The following ATN1 variants were observed in gnomAD, a reference collection of about 807,000 sequenced individuals.
ATN1 encodes atrophin 1.
ATN1 carries 19 observed loss-of-function variants against 85.8 expected under a neutral mutation model. The observed-to-expected ratio is 0.22, with a 90% confidence interval of 0.15 to 0.32. ATN1 has a LOEUF of 0.32. Ranked by LOEUF, ATN1 falls within the 10% of genes least tolerant of loss-of-function variation. The pLI, the probability that ATN1 is intolerant of heterozygous loss-of-function variation, is 1.00. For synonymous variants in ATN1, 674 were observed against 657.0 expected (o/e 1.03, Z -0.39); for missense variants, 1,453 against 1,564.5 (o/e 0.93, Z 1.20).
intron 1 of ATN1, among the ~76,000 whole-genome samples, chr12:6,931,593 A>C (rs782615118): frequency 6.6e-6 from 1 of 151,784 alleles, no homozygotes; most frequent in African/African-American, 2.4e-5. Flanking sequence ...GTGCGCTTGT[A>C]ATCCCAGCTA....
rs1044964938 is a variant in ATN1, at chr12:6,941,857, G to T, written c.*77G>T. ...CCCACCCTCCCCCCACCGTGCCCTT[G>T]GCCTGCCACCCAGAGCCAAGAGGGT... On this transcript the variant is annotated 3_prime_UTR_variant, in exon 10 of 10. Transcript: ENST00000396684. This position sits in a 1 kb window ranked among gnomAD's most constrained non-coding sequence, Gnocchi z 5.9. The T allele has an allele frequency of 2.0e-6, 3 of 1,481,088 alleles. No individual in the cohort carries two copies. The allele number at this position is 1,481,088 out of a possible 1,614,324, so 91.7% of individuals were successfully genotyped here.
chr12:6,939,293 C>G (rs886573371), intron 7 of ATN1, 116 bp downstream of exon 7: 8 of 1,381,732 alleles, frequency 5.8e-6, no homozygotes, highest in African/African-American at 1.5e-5. Flanking sequence ...TGAACCTTTC[C>G]TGAGATTGCT....
At chr12:6,940,250 A>G (rs1219052969) in intron 7 of ATN1, among the ~76,000 whole-genome samples, 1 of 151,178 alleles carries the variant, frequency 6.6e-6, no homozygotes, top group Non-Finnish European at 1.5e-5. Context: ...TTGGCCTCCC[A>G]AAGTGCTGGA....
chr12:6,925,364 G>C (rs1173575825), upstream of ATN1, among the ~76,000 whole-genome samples: 1 of 152,150 alleles, frequency 6.6e-6, no homozygotes, highest in Non-Finnish European at 1.5e-5. Flanking sequence ...GAAAGGGCTT[G>C]AGCCAAGGCC....
In ATN1 at chr12:6,941,315, G is replaced by C. The variant is rs782611521; in HGVS notation, c.3359-59G>C. 1.3e-6 allele frequency: 2 copies of C among 1,525,982 alleles called. No homozygotes were observed. Among genetic ancestry groups the C allele is most frequent in the Admixed American group, 4.3e-5 (2 of 46,166 alleles). The allele number at this position is 1,525,982 out of a possible 1,614,324, so 94.5% of individuals were successfully genotyped here. Reference sequence around the variant, plus strand: ...ATGTAAAGGAGCTGGCTATCCCCTGGTCCAGAGCAGGTACTTGTTATCCGT... The same window carrying C: ...ATGTAAAGGAGCTGGCTATCCCCTGCTCCAGAGCAGGTACTTGTTATCCGT... On this transcript the variant is annotated intron_variant, in intron 8 of 9. Coordinates refer to ENST00000396684, the MANE Select transcript of ATN1 (RefSeq NM_001940.4). The surrounding 1 kb of genome is among the most constrained non-coding windows in gnomAD (Gnocchi z 5.9).
chr12:6,927,509 A>C (rs1174228427), upstream of ATN1, among the ~76,000 whole-genome samples: 1 of 128,272 alleles, frequency 7.8e-6, no homozygotes, highest in Non-Finnish European at 1.7e-5. Flanking sequence ...TGCCCTCACC[A>C]CCCACAGCCC....
At chr12:6,933,118 C>T (rs1460369889) in intron 1 of ATN1, among the ~76,000 whole-genome samples, 1 of 152,116 alleles carries the variant, frequency 6.6e-6, no homozygotes, top group Non-Finnish European at 1.5e-5. Flanking sequence ...ATAATGCTTA[C>T]CATTCAGGGT....
At chr12:6,932,094 G>A (rs1945474166) in intron 1 of ATN1, among the ~76,000 whole-genome samples, 1 of 143,448 alleles carries the variant, frequency 7.0e-6, no homozygotes, top group African/African-American at 2.6e-5. Flanking sequence ...TCAGTTGAAA[G>A]TTCAGAAGAT....
chr12:6,940,646 G>A (rs917577596), intron 7 of ATN1, among the ~76,000 whole-genome samples: 4 of 151,996 alleles, frequency 2.6e-5, no homozygotes, highest in Non-Finnish European at 4.4e-5. Flanking sequence ...CTTCCCCTCA[G>A]ACCCTTCTGA....
At position 6,937,351 on chromosome 12, in the gene ATN1, G is replaced by A. The variant is rs781870732; in HGVS notation, c.2084G>A (p.Gly695Glu). ...CCGGGCTCGCCCACCGTGGGACCTG[G>A]GCCCCTGCCACCTGCGGGGCCCTCA... Reference protein sequence around the residue: ...FKPGSPTVGPGPLPPAGPSGL... With the variant: ...FKPGSPTVGPEPLPPAGPSGL... The change falls in exon 5 of 10, where the codon GGG (glycine) becomes GAG (glutamate). Residue 695 changes from glycine to glutamate, a missense_variant. Gly to Glu is a moderately conservative substitution (Grantham distance 98). Around this residue, in one of 6 missense-constraint regions of ATN1, gnomAD observed 990 missense variants for 914.8 expected, o/e 1.08. Transcript: ENST00000396684. The surrounding 1 kb of genome is among the most constrained non-coding windows in gnomAD (Gnocchi z 6.0). 130 of 1,552,446 alleles carry A rather than the reference G, an allele frequency of 8.4e-5. No homozygotes were observed. The highest frequency in any genetic ancestry group is 1.0e-4 in the Non-Finnish European group (119 of 1,149,834).
In ATN1 at chr12:6,936,969, G is replaced by A; in HGVS notation, c.1702G>A (p.Val568Ile). 1 of 1,613,720 alleles carries A rather than the reference G, an allele frequency of 6.2e-7. No individual in the cohort carries two copies. The highest frequency in any genetic ancestry group is 8.5e-7 in the Non-Finnish European group (1 of 1,179,874). The change falls in exon 5 of 10, where the codon GTC becomes ATC. Residue 568 changes from valine to isoleucine, a missense_variant. Coordinates refer to ENST00000396684, the MANE Select transcript of ATN1 (RefSeq NM_001940.4). ...YSQAGPNGPP[V>I]SSSSNSSSST... is the part of the protein sequence containing the mutation. ...CCAAGCAGGCCCCAATGGCCCTCCA[G>A]TCTCTTCCTCTTCCAACTCTTCCTC...
chr12:6,931,130 G>T (rs782470008), intron 1 of ATN1, among the ~76,000 whole-genome samples: 9 of 152,052 alleles, frequency 5.9e-5, no homozygotes, highest in Non-Finnish European at 7.4e-5. Context: ...TGTTCCTCAG[G>T]TACATTCCTG....
Position 6,936,318 on chromosome 12 carries a change from A to T in ATN1, c.1051A>T (p.Thr351Ser). ...TCCTCCTGGCCCAGAGAAGGGCCCA[A>T]CTCTGGCTCCTTCACCCCACTCTCT... ...GLPPGPEKGP[T>S]LAPSPHSLPP... The change falls in exon 5 of 10, where the codon ACT becomes TCT. Residue 351 changes from threonine to serine, a missense_variant. Around this residue, in one of 6 missense-constraint regions of ATN1, gnomAD observed 990 missense variants for 914.8 expected, o/e 1.08. Coordinates refer to ENST00000396684, the MANE Select transcript of ATN1 (RefSeq NM_001940.4). 6.2e-7 allele frequency: 1 copy of T among 1,613,528 alleles called. No homozygotes were observed. The highest frequency in any genetic ancestry group is 8.5e-7 in the Non-Finnish European group (1 of 1,179,774).
At chr12:6,940,406 T>G (rs1349613440) in intron 7 of ATN1, among the ~76,000 whole-genome samples, 1 of 151,922 alleles carries the variant, frequency 6.6e-6, no homozygotes, top group African/African-American at 2.4e-5. Context: ...GCTGGGACTA[T>G]AGGCGTGTGC....
In ATN1 at chr12:6,934,610, C is replaced by T; in HGVS notation, c.279+32C>T. 1 of 1,461,304 alleles carries T rather than the reference C, an allele frequency of 6.8e-7. No homozygotes were observed. Among genetic ancestry groups the T allele is most frequent in the Non-Finnish European group, 9.4e-7 (1 of 1,064,532 alleles). The allele number at this position is 1,461,304 out of a possible 1,614,324, so 90.5% of individuals were successfully genotyped here. Reference sequence around the variant, plus strand: ...AACCCTTGTCGCCATCCTGACCCATCTTGTGACCATTCTTTTCTCAGACTT... The same window carrying T: ...AACCCTTGTCGCCATCCTGACCCATTTTGTGACCATTCTTTTCTCAGACTT... On this transcript the variant is annotated intron_variant, in intron 4 of 9. Transcript: ENST00000396684. This position sits in a 1 kb window ranked among gnomAD's most constrained non-coding sequence, Gnocchi z 4.5.
chr12:6,938,119 C>A, intron 6 of ATN1, 52 bp downstream of exon 6: 1 of 1,499,980 alleles, frequency 6.7e-7, no homozygotes, highest in East Asian at 2.5e-5. Context: ...TTCCTTCCTT[C>A]CCTCTGCGCT....
chr12:6,926,743 T>C (rs1489972987), upstream of ATN1, among the ~76,000 whole-genome samples: 1 of 152,190 alleles, frequency 6.6e-6, no homozygotes, highest in Non-Finnish European at 1.5e-5. Context: ...GTGCTGAGAT[T>C]ACAGGCGTGA....
intron 7 of ATN1, among the ~76,000 whole-genome samples, chr12:6,940,563 C>T (rs1565569778): frequency 1.3e-5 from 2 of 152,134 alleles, no homozygotes; most frequent in South Asian, 2.1e-4. Context: ...CCACTGTGCC[C>T]GGCCTCTTCT....
intron 1 of ATN1, among the ~76,000 whole-genome samples, chr12:6,929,392 T>C (rs1945435362): frequency 6.6e-6 from 1 of 152,130 alleles, no homozygotes; most frequent in Non-Finnish European, 1.5e-5. Flanking sequence ...GTAGGTACCT[T>C]CAAGCTCCCT....
Sources: gnomAD v4.1 joint callset for allele counts (sites outside exome capture counted in the v4.1 genomes callset) on GRCh38, gnomAD v4.1.1 for gene constraint, gnomAD v4.1.1 regional missense constraint, Gnocchi (gnomAD v3.1) non-coding constraint, MANE v1.5 for transcripts, NCBI Gene and HGNC (gene_info 2026-07-23, HGNC 2026-07-21) for gene names.